SPIDR: variants seen among roughly 807,000 people sequenced by gnomAD.
SPIDR encodes DNA repair-scaffolding protein.
A neutral mutation model predicts 104.6 loss-of-function variants in SPIDR; 93 were observed. The observed-to-expected ratio is 0.89, with a 90% CI of 0.75 to 1.06. The LOEUF (loss-of-function observed/expected upper bound fraction) is 1.06. Among genes scored for constraint, SPIDR ranks in the 50% least tolerant of loss-of-function variants. The pLI, the probability that SPIDR is intolerant of heterozygous loss-of-function variation, is 0.00. For synonymous variants in SPIDR, 431 were observed against 416.9 expected, an observed-to-expected ratio of 1.03 and a Z score of -0.41; for missense variants, 1,154 against 1,111.2, an observed-to-expected ratio of 1.04 and a Z score of -0.55.
intron 10 of SPIDR, among the ~76,000 whole-genome samples, chr8:47,643,696 C>T (rs2069644817): frequency 6.6e-6 from 1 of 152,000 alleles, no homozygotes; most frequent in Non-Finnish European, 1.5e-5. Context: ...AGCTGCAACT[C>T]AATAATTAGT....
intron 8 of SPIDR, among the ~76,000 whole-genome samples, chr8:47,510,431 G>C (rs1263084685): frequency 6.6e-6 from 1 of 152,092 alleles, no homozygotes; most frequent in Non-Finnish European, 1.5e-5. Context: ...TTTATTCCAA[G>C]GAAATTGTTT....
intron 8 of SPIDR, chr8:47,511,762 T>G: frequency 3.1e-6 from 4 of 1,301,546 alleles, no homozygotes; most frequent in Non-Finnish European, 4.5e-6. Flanking sequence ...AGCTCCATGC[T>G]CTTTGGCACC....
chr8:47,403,558 A>G (rs1388305655), intron 6 of SPIDR, among the ~76,000 whole-genome samples: 2 of 152,210 alleles, frequency 1.3e-5, no homozygotes, highest in Admixed American at 6.5e-5. Flanking sequence ...TTATACACCA[A>G]TAACAGACAA....
At chr8:47,547,345 G>C in intron 8 of SPIDR, 1 of 492,290 alleles carries the variant, frequency 2.0e-6, no homozygotes. Context: ...GAATCCAGCA[G>C]GGTGGGTTAT....
chr8:47,562,828 G>A (rs767382146), intron 8 of SPIDR, among the ~76,000 whole-genome samples: 1 of 152,026 alleles, frequency 6.6e-6, no homozygotes, highest in Non-Finnish European at 1.5e-5. Context: ...CTTCATCCCC[G>A]CCAAACTTCA....
At chr8:47,563,037 C>CT (rs75347314) in intron 8 of SPIDR, among the ~76,000 whole-genome samples, 9,812 of 134,830 alleles carry the variant, frequency 0.073, 425 homozygotes, top group African/African-American at 0.13. Flanking sequence ...ACTCTTTTCT[C>CT]TTTTTTTTTT....
chr8:47,595,724 C>A, intron 8 of SPIDR, 87 bp from the exon 9 acceptor site: 2 of 1,300,064 alleles, frequency 1.5e-6, no homozygotes, highest in Non-Finnish European at 2.2e-6. Context: ...GCAGGCGAGT[C>A]ATTGCTCTTT....
intron 10 of SPIDR, among the ~76,000 whole-genome samples, chr8:47,624,656 C>G (rs200302281): frequency 4.6e-5 from 7 of 152,200 alleles, no homozygotes; most frequent in Middle Eastern, 3.4e-3. Context: ...ATACATTCCT[C>G]GACACATACA....
chr8:47,262,824 C>T (rs917908769), intron 1 of SPIDR, among the ~76,000 whole-genome samples: 2 of 152,166 alleles, frequency 1.3e-5, no homozygotes, highest in Non-Finnish European at 2.9e-5. Flanking sequence ...CTGTCTCCCT[C>T]GGTCAGTCTC....
chr8:47,675,420 G>A (rs1208754316), intron 11 of SPIDR, among the ~76,000 whole-genome samples: 1 of 152,232 alleles, frequency 6.6e-6, no homozygotes, highest in Non-Finnish European at 1.5e-5. Context: ...TTTGGGGAAT[G>A]CAGTTCATCC....
intron 11 of SPIDR, among the ~76,000 whole-genome samples, chr8:47,692,435 T>G (rs2078783992): frequency 6.6e-6 from 1 of 152,082 alleles, no homozygotes; most frequent in Non-Finnish European, 1.5e-5. Flanking sequence ...GTCTTTCACT[T>G]TAGCAGAATG....
rs1368338937 is a variant in SPIDR, at chr8:47,293,922, CTG to C, written c.420_421del (p.Cys140Ter). 1.2e-6 allele frequency: 2 copies of C among 1,614,100 alleles called. No homozygotes were observed. The highest frequency in any genetic ancestry group is 1.7e-6 in the Non-Finnish European group (2 of 1,180,008). ...IDSDRAEASD[C>X]DEFEDDEGAV... ...ACAGTGACAGGGCAGAGGCTAGTGACTGTGATGAATTTGAAGATGACGAGGGT... is the reference window on the plus strand; with the variant it reads ...ACAGTGACAGGGCAGAGGCTAGTGACTGATGAATTTGAAGATGACGAGGGT... On this transcript the variant is annotated frameshift_variant, in exon 5 of 20. Coordinates refer to ENST00000297423, the MANE Select transcript of SPIDR (RefSeq NM_001080394.4). LOFTEE classifies it high-confidence loss of function.
intron 10 of SPIDR, among the ~76,000 whole-genome samples, chr8:47,655,924 T>C (rs2072710201): frequency 1.3e-5 from 2 of 152,174 alleles, no homozygotes; most frequent in Non-Finnish European, 2.9e-5. Flanking sequence ...ACATTTTTGG[T>C]CCATTGATTT....
At chr8:47,732,337 GC>G in intron 19 of SPIDR, 1 of 637,298 alleles carries the variant, frequency 1.6e-6, no homozygotes, top group East Asian at 2.7e-5. Flanking sequence ...GAGCACCTTT[GC>G]CCATGCCCGT....
At chr8:47,331,855 G>A (rs2154268379) in intron 5 of SPIDR, among the ~76,000 whole-genome samples, 1 of 150,894 alleles carries the variant, frequency 6.6e-6, no homozygotes, top group African/African-American at 2.4e-5. Context: ...CAGCTGTACA[G>A]AAGTATTTTT....
In SPIDR at chr8:47,552,467, C is replaced by CAT. The variant is rs540132017; in HGVS notation, c.1098-43337_1098-43336dup. On this transcript the variant is annotated intron_variant, in intron 8 of 19. Coordinates refer to ENST00000297423, the MANE Select transcript of SPIDR (RefSeq NM_001080394.4). The stretch of plus-strand genomic sequence containing the variant: ...AATCTGGGTGCTCCTGTATTGGGTG[C>CAT]ATATATATTTAAGATAGTTAGCTCT... 2.7e-3 allele frequency among the ~76,000 whole-genome samples: 418 copies of CAT among 152,300 alleles called. 1 individual carries two copies. Among genetic ancestry groups the CAT allele is most frequent in the African/African-American group, 9.8e-3 (408 of 41,560 alleles).
chr8:47,668,196 A>T (rs775065094), intron 10 of SPIDR, among the ~76,000 whole-genome samples: 3 of 152,184 alleles, frequency 2.0e-5, no homozygotes, highest in Non-Finnish European at 4.4e-5. Flanking sequence ...AAGGTAATCA[A>T]CTTGTTCTGT....
At chr8:47,385,200 C>T (rs1554647442) in intron 5 of SPIDR, among the ~76,000 whole-genome samples, 1 of 152,118 alleles carries the variant, frequency 6.6e-6, no homozygotes, top group Non-Finnish European at 1.5e-5. Context: ...AAGAACTGTT[C>T]TGTGTATATA....
intron 5 of SPIDR, among the ~76,000 whole-genome samples, chr8:47,347,572 G>A (rs1246223125): frequency 1.3e-5 from 2 of 152,130 alleles, no homozygotes; most frequent in Non-Finnish European, 2.9e-5. Flanking sequence ...TTATTATTGT[G>A]TAGTAGGAGT....
Sources: gnomAD v4.1 joint callset for allele counts (sites outside exome capture counted in the v4.1 genomes callset) on GRCh38, gnomAD v4.1.1 for gene constraint, MANE v1.5 for transcripts, NCBI Gene and HGNC (gene_info 2026-07-23, HGNC 2026-07-21) for gene names.